Variants in SULF2 observed in about 807,000 individuals in gnomAD.
SULF2 encodes extracellular sulfatase Sulf-2.
Under a neutral mutation model 107.7 loss-of-function variants are expected in SULF2, and 52 were observed. The ratio of observed to expected loss-of-function variants is 0.48; its 90% confidence interval spans 0.39 to 0.61. SULF2 has a LOEUF of 0.61. SULF2 is among the 20% of genes least tolerant of loss of function. SULF2 has a pLI of 0.00. For synonymous variants in SULF2, 460 were observed against 464.3 expected (o/e 0.99, Z 0.12); for missense variants, 993 against 1,177.3 (o/e 0.84, Z 2.29).
intron 4 of SULF2, among the ~76,000 whole-genome samples, chr20:47,700,124 A>G (rs1382996294): frequency 6.6e-6 from 1 of 152,164 alleles, no homozygotes; most frequent in Non-Finnish European, 1.5e-5. Flanking sequence ...AGATTTGTTC[A>G]TTTCCATATT....
chr20:47,753,959 A>G (rs1331748510), intron 2 of SULF2, among the ~76,000 whole-genome samples: 1 of 152,242 alleles, frequency 6.6e-6, no homozygotes, highest in African/African-American at 2.4e-5. Flanking sequence ...CCATTGAGAC[A>G]CAGGGATGTC....
In SULF2 at chr20:47,678,366, AC is replaced by A. The variant is rs2087717038; in HGVS notation, c.1193+309del. The A allele has an allele frequency of 3.3e-6, 1 of 306,338 alleles. No individual in the cohort carries two copies. Among genetic ancestry groups the A allele is most frequent in the South Asian group, 4.6e-5 (1 of 21,656 alleles). The allele number at this position is 306,338 out of a possible 1,614,324, so 19.0% of individuals were successfully genotyped here. A position where few individuals can be genotyped will look rare whatever the true frequency, so the allele number is the denominator to read the frequency against. On this transcript the variant is annotated intron_variant, in intron 8 of 20. Coordinates refer to ENST00000688720, the MANE Select transcript of SULF2 (RefSeq NM_001387048.1). This position sits in a 1 kb window ranked among gnomAD's most constrained non-coding sequence, Gnocchi z 4.5. ...TGCACAGTACTTAGAATAGGGCCTC[AC>A]ACACAAGCGCCGTGCAGTTAGCACC... is the stretch of plus-strand genomic sequence containing the variant.
chr20:47,777,262 T>C (rs2090741351), intron 1 of SULF2, among the ~76,000 whole-genome samples: 1 of 152,154 alleles, frequency 6.6e-6, no homozygotes, highest in South Asian at 2.1e-4. Flanking sequence ...GATTTAGAGG[T>C]GAGTGCAAAA....
intron 3 of SULF2, among the ~76,000 whole-genome samples, chr20:47,725,749 T>G (rs2089423482): frequency 6.6e-6 from 1 of 152,158 alleles, no homozygotes; most frequent in Admixed American, 6.5e-5. Flanking sequence ...TGCTTTGGGC[T>G]ACCTGCCAGC....
chr20:47,666,504 G>A lies in SULF2; in HGVS notation c.1577-16C>T. The A allele has an allele frequency of 6.2e-7, 1 of 1,600,614 alleles. No homozygotes were observed. The highest frequency in any genetic ancestry group is 1.1e-5 in the South Asian group (1 of 90,674). ...GCCTTGTACTCTGTGGGCATTAGAG[G>A]AGTGGCAGAGTTAGGGAGGCAGGAA... On this transcript the variant is annotated splice_polypyrimidine_tract_variant and intron_variant, in intron 11 of 20. Coordinates refer to ENST00000688720, the MANE Select transcript of SULF2 (RefSeq NM_001387048.1). The surrounding 1 kb of genome is among the most constrained non-coding windows in gnomAD (Gnocchi z 5.4).
chr20:47,726,722 T>C (rs1719389011), intron 3 of SULF2, among the ~76,000 whole-genome samples: 1 of 152,148 alleles, frequency 6.6e-6, no homozygotes, highest in Non-Finnish European at 1.5e-5. Context: ...CCTAACTCAT[T>C]CCAGAATGTT....
In SULF2 at chr20:47,659,438, C is replaced by A. The variant is rs769108374; in HGVS notation, c.2543G>T (p.Arg848Leu). The change falls in exon 20 of 21, where the codon CGA becomes CTA. Residue 848 changes from arginine to leucine, a missense_variant. Physicochemically the swap from Arg to Leu is moderately radical, Grantham distance 102. Transcript: ENST00000688720. ...AGGTCTCTTCATTTCTGGCCACTTTCGACGCTGAAACTGCCTAAGTTTTCA... is the reference window on the plus strand; with the variant it reads ...AGGTCTCTTCATTTCTGGCCACTTTAGACGCTGAAACTGCCTAAGTTTTCA... The part of the protein sequence containing the change: ...SYEQYRQFQR[R>L]KWPEMKRPSS... The A allele has an allele frequency of 3.7e-6, 6 of 1,614,098 alleles. No homozygotes were observed. The South Asian group carries it at 5.5e-5, about 15-fold the overall frequency.
intron 1 of SULF2, among the ~76,000 whole-genome samples, chr20:47,771,345 C>T (rs1180823769): frequency 6.6e-6 from 1 of 152,136 alleles, no homozygotes; most frequent in African/African-American, 2.4e-5. Context: ...GAGCTAGAGT[C>T]ACAACAACCT....
chr20:47,688,699 A>G (rs1271267501), intron 5 of SULF2, among the ~76,000 whole-genome samples: 1 of 152,198 alleles, frequency 6.6e-6, no homozygotes, highest in Non-Finnish European at 1.5e-5. Context: ...AGATGTGCAC[A>G]GCAGCAATGC....
chr20:47,758,314 C>T lies in SULF2; in HGVS notation c.-100-851G>A, dbSNP rs559768387. On this transcript the variant is annotated intron_variant, in intron 1 of 20. Transcript: ENST00000688720. Reference sequence around the variant, plus strand: ...CCTCTAGAGAAGCTGGGATTACAGGCGCCTGCCACCACGCCCGGCTAATTT... The same window carrying T: ...CCTCTAGAGAAGCTGGGATTACAGGTGCCTGCCACCACGCCCGGCTAATTT... 3.9e-5 allele frequency among the ~76,000 whole-genome samples: 6 copies of T among 152,006 alleles called. No homozygotes were observed. The South Asian group carries it at 6.2e-4, about 16-fold the overall frequency.
intron 3 of SULF2, among the ~76,000 whole-genome samples, chr20:47,714,021 A>C (rs900448237): frequency 1.3e-5 from 2 of 152,130 alleles, no homozygotes; most frequent in Non-Finnish European, 2.9e-5. Flanking sequence ...GATGGGCTGG[A>C]GCGCGGAGCC....
intron 3 of SULF2, among the ~76,000 whole-genome samples, chr20:47,732,749 A>C (rs1000016076): frequency 4.6e-5 from 7 of 152,236 alleles, no homozygotes; most frequent in Non-Finnish European, 8.8e-5. Flanking sequence ...AGGCTGAGGC[A>C]GGAGAATCGC....
chr20:47,684,506 G>A lies in SULF2; in HGVS notation c.813C>T (p.Ile271=), dbSNP rs1321809050. ...GGAGCATGTTGGTGAATTCCATGTG[G>A]ATGGGCTTCATGGGCCCCGTGTAGC... ...IMRYTGPMKP[I]HMEFTNMLQR... is the part of the protein sequence containing the mutation. Residue 271 remains isoleucine, a synonymous_variant, in exon 6 of 21, where the codon ATC becomes ATT. Coordinates refer to ENST00000688720, the MANE Select transcript of SULF2 (RefSeq NM_001387048.1). 1 of 1,614,032 alleles carries A rather than the reference G, an allele frequency of 6.2e-7. No homozygotes were observed. Among genetic ancestry groups the A allele is most frequent in the Non-Finnish European group, 8.5e-7 (1 of 1,180,002 alleles).
At position 47,721,559 on chromosome 20, in the gene SULF2, G is replaced by A. The variant is rs539804833; in HGVS notation, c.415+15144C>T. 3.3e-5 allele frequency among the ~76,000 whole-genome samples: 5 copies of A among 152,028 alleles called. No individual in the cohort carries two copies. In the South Asian group the frequency reaches 8.3e-4, roughly 25 times the overall value. On this transcript the variant is annotated intron_variant, in intron 3 of 20. Coordinates refer to ENST00000688720, the MANE Select transcript of SULF2 (RefSeq NM_001387048.1). Reference sequence around the variant, plus strand: ...AATTTTGTATTTTTTTAGTAGAGACGGGGTTTCACCACGTTGGTCAGGCTG... The same window carrying A: ...AATTTTGTATTTTTTTAGTAGAGACAGGGTTTCACCACGTTGGTCAGGCTG...
intron 15 of SULF2, 24 bp downstream of exon 15, chr20:47,664,106 C>T: frequency 6.2e-7 from 1 of 1,612,814 alleles, no homozygotes; most frequent in South Asian, 1.1e-5. Context: ...GCATCTCTTC[C>T]CCAGGACCTC....
intron 3 of SULF2, among the ~76,000 whole-genome samples, chr20:47,718,586 C>A (rs1180810285): frequency 1.3e-5 from 2 of 152,144 alleles, no homozygotes; most frequent in African/African-American, 2.4e-5. Flanking sequence ...TGACCACAAT[C>A]GTGGCAGGCG....
At chr20:47,768,167 C>T (rs2090561422) in intron 1 of SULF2, among the ~76,000 whole-genome samples, 1 of 152,182 alleles carries the variant, frequency 6.6e-6, no homozygotes, top group Non-Finnish European at 1.5e-5. Context: ...CCAGGGAAGA[C>T]AGCGACGCCA....
intron 3 of SULF2, among the ~76,000 whole-genome samples, chr20:47,718,417 G>A (rs554027418): frequency 7.2e-5 from 11 of 152,260 alleles, no homozygotes; most frequent in Non-Finnish European, 1.5e-4. Flanking sequence ...GGCTGGGATG[G>A]CTCTAGGCAC....
intron 1 of SULF2, among the ~76,000 whole-genome samples, chr20:47,764,442 T>C (rs974587622): frequency 6.6e-6 from 1 of 151,908 alleles, no homozygotes; most frequent in Non-Finnish European, 1.5e-5. Flanking sequence ...TGCTCTTATT[T>C]CCCACCCCCC....
Sources: gnomAD v4.1 joint callset for allele counts (sites outside exome capture counted in the v4.1 genomes callset) on GRCh38, gnomAD v4.1.1 for gene constraint, Gnocchi (gnomAD v3.1) non-coding constraint, MANE v1.5 for transcripts, NCBI Gene and HGNC (gene_info 2026-07-23, HGNC 2026-07-21) for gene names.